Variants in GRIK4 observed in about 807,000 individuals in gnomAD.
GRIK4 encodes the protein glutamate ionotropic receptor kainate type subunit 4, also known as glutamate receptor ionotropic, kainate 4.
GRIK4 carries 40 observed loss-of-function variants against 104.9 expected under a neutral mutation model. The observed-to-expected ratio is 0.38, with a 90% CI of 0.30 to 0.50. The LOEUF (loss-of-function observed/expected upper bound fraction) is 0.50, where lower values mean the gene tolerates loss of function less well. Ranked by LOEUF, GRIK4 falls within the 20% of genes least tolerant of loss-of-function variation. The pLI is 0.93. For missense variants in GRIK4, 1,047 were observed against 1,308.1 expected (o/e 0.80, Z 3.08); for synonymous variants, 485 against 524.9 (o/e 0.92, Z 1.04).
At chr11:120,969,725 C>A (rs1944443371) in intron 19 of GRIK4, among the ~76,000 whole-genome samples, 1 of 152,172 alleles carries the variant, frequency 6.6e-6, no homozygotes, top group Non-Finnish European at 1.5e-5. Context: ...TGCAGGGAAA[C>A]AGCAGTGGTA....
At chr11:120,640,180 G>A (rs1949453297) in intron 1 of GRIK4, among the ~76,000 whole-genome samples, 1 of 152,202 alleles carries the variant, frequency 6.6e-6, no homozygotes, top group Non-Finnish European at 1.5e-5. Flanking sequence ...GTTGTTGCCA[G>A]GAATTTGCTT....
intron 12 of GRIK4, among the ~76,000 whole-genome samples, chr11:120,899,462 G>T: frequency 6.7e-6 from 1 of 149,768 alleles, no homozygotes; most frequent in Admixed American, 6.7e-5. Context: ...GAGACCATGT[G>T]CCCTTTTTTA....
chr11:120,876,495 A>G (rs1954824833), intron 11 of GRIK4, among the ~76,000 whole-genome samples: 1 of 148,472 alleles, frequency 6.7e-6, no homozygotes, highest in Non-Finnish European at 1.5e-5. Context: ...CATCATCACT[A>G]CCACTGCGAT....
chr11:120,893,948 A>T (rs917176601), intron 11 of GRIK4, among the ~76,000 whole-genome samples: 75 of 152,196 alleles, frequency 4.9e-4, no homozygotes, highest in African/African-American at 1.5e-3. Flanking sequence ...TGATTTAGTC[A>T]TTCTGGGGTA....
intron 1 of GRIK4, among the ~76,000 whole-genome samples, chr11:120,514,556 G>T (rs535262333): frequency 6.6e-6 from 1 of 152,010 alleles, no homozygotes; most frequent in East Asian, 1.9e-4. Context: ...CATCCCCTTC[G>T]CCCTCTCCAG....
chr11:120,703,520 C>T (rs1950584541), intron 3 of GRIK4, among the ~76,000 whole-genome samples: 1 of 151,732 alleles, frequency 6.6e-6, no homozygotes, highest in Non-Finnish European at 1.5e-5. Flanking sequence ...GTCAGCCCAA[C>T]CCAGGCTGTA....
At chr11:120,662,408 C>A (rs901799334) in intron 3 of GRIK4, among the ~76,000 whole-genome samples, 1 of 152,220 alleles carries the variant, frequency 6.6e-6, no homozygotes, top group Non-Finnish European at 1.5e-5. Context: ...AAGAAAAACC[C>A]AAACAGCAGT....
At chr11:120,930,670 G>A (rs1439442684) in intron 13 of GRIK4, among the ~76,000 whole-genome samples, 16 of 152,186 alleles carry the variant, frequency 1.1e-4, no homozygotes, top group Non-Finnish European at 2.2e-4. Flanking sequence ...GATCAGAGAA[G>A]GTTTTATGAG....
chr11:120,926,273 G>T (rs1176721335), intron 13 of GRIK4, among the ~76,000 whole-genome samples: 1 of 152,202 alleles, frequency 6.6e-6, no homozygotes, highest in East Asian at 1.9e-4. Flanking sequence ...TTTTAATCAT[G>T]GGATTTCTTT....
Position 120,952,803 on chromosome 11 carries a change from G to T in GRIK4, c.1591-52G>T. 7.8e-7 allele frequency: 1 copy of T among 1,276,012 alleles called. No homozygotes were observed. The allele number at this position is 1,276,012 out of a possible 1,614,324, so 79.0% of individuals were successfully genotyped here. The stretch of plus-strand genomic sequence containing the variant: ...TCTACCCCGCCCTGCCTGCCCCAAG[G>T]TCATGTTGACTGAATATGTGCGGTG... On this transcript the variant is annotated intron_variant, in intron 14 of 20. Coordinates refer to ENST00000527524, the MANE Select transcript of GRIK4 (RefSeq NM_014619.5). This position sits in a 1 kb window ranked among gnomAD's most constrained non-coding sequence, Gnocchi z 5.2.
chr11:120,700,108 C>G (rs1181794534), intron 3 of GRIK4, among the ~76,000 whole-genome samples: 1 of 151,722 alleles, frequency 6.6e-6, no homozygotes, highest in Non-Finnish European at 1.5e-5. Context: ...GGTTAACATG[C>G]CCATGATCTC....
chr11:120,949,341 G>A (rs1012086756), intron 14 of GRIK4, among the ~76,000 whole-genome samples: 1 of 152,174 alleles, frequency 6.6e-6, no homozygotes, highest in African/African-American at 2.4e-5. Context: ...TCAGTCTGAT[G>A]CACAGTCCAA....
At chr11:120,780,464 C>T (rs1952131742) in intron 3 of GRIK4, among the ~76,000 whole-genome samples, 1 of 152,166 alleles carries the variant, frequency 6.6e-6, no homozygotes, top group South Asian at 2.1e-4. Context: ...GTCAGAATTT[C>T]CTTCCTTTGT....
chr11:120,843,724 G>A (rs995654170), intron 8 of GRIK4, among the ~76,000 whole-genome samples: 2 of 152,088 alleles, frequency 1.3e-5, no homozygotes, highest in African/African-American at 4.8e-5. Context: ...GAAAAATTGT[G>A]AGGTTGTATT....
At chr11:120,804,015 A>T (rs1199929609) in intron 4 of GRIK4, among the ~76,000 whole-genome samples, 1 of 152,150 alleles carries the variant, frequency 6.6e-6, no homozygotes, top group Non-Finnish European at 1.5e-5. Context: ...AGACCTCCCT[A>T]CAGTCCTCCG....
chr11:120,844,686 G>A (rs1014306087), intron 8 of GRIK4, among the ~76,000 whole-genome samples: 11 of 152,108 alleles, frequency 7.2e-5, no homozygotes, highest in African/African-American at 2.4e-4. Flanking sequence ...CAGGACCCCC[G>A]GTACTTGCTT....
intron 14 of GRIK4, among the ~76,000 whole-genome samples, chr11:120,950,137 G>C (rs910047567): frequency 6.6e-6 from 1 of 152,156 alleles, no homozygotes; most frequent in African/African-American, 2.4e-5. Flanking sequence ...AGACAGCATG[G>C]ATTTAGCCTA....
chr11:120,643,682 C>T (rs752264031), intron 1 of GRIK4, among the ~76,000 whole-genome samples: 9 of 152,290 alleles, frequency 5.9e-5, no homozygotes, highest in South Asian at 2.1e-4. Flanking sequence ...ATTACTTAAC[C>T]GCTCTGAGTT....
At chr11:120,613,489 T>C (rs1010473590) in intron 1 of GRIK4, among the ~76,000 whole-genome samples, 4 of 152,174 alleles carry the variant, frequency 2.6e-5, no homozygotes, top group African/African-American at 7.2e-5. Context: ...GCATGTGTTG[T>C]ACAAGGCAAA....
Sources: gnomAD v4.1 joint callset for allele counts (sites outside exome capture counted in the v4.1 genomes callset) on GRCh38, gnomAD v4.1.1 for gene constraint, Gnocchi (gnomAD v3.1) non-coding constraint, MANE v1.5 for transcripts, NCBI Gene and HGNC (gene_info 2026-07-23, HGNC 2026-07-21) for gene names.